Variants in CBFA2T2 observed in about 807,000 individuals in gnomAD.
CBFA2T2 encodes protein CBFA2T2.
A neutral mutation model predicts 62.2 loss-of-function variants in CBFA2T2; 11 were observed. The observed-to-expected ratio is 0.18, with a 90% CI of 0.11 to 0.29. The LOEUF (loss-of-function observed/expected upper bound fraction) is 0.29. Ranked by LOEUF, CBFA2T2 falls within the 10% of genes least tolerant of loss-of-function variation. CBFA2T2 has a pLI of 1.00. For synonymous variants in CBFA2T2, 295 were observed against 287.5 expected (o/e 1.03, Z -0.27); for missense variants, 592 against 774.1 (o/e 0.76, Z 2.79).
At chr20:33,605,707 A>C (rs1415389835) in intron 1 of CBFA2T2, among the ~76,000 whole-genome samples, 1 of 152,202 alleles carries the variant, frequency 6.6e-6, no homozygotes, top group Non-Finnish European at 1.5e-5. Context: ...CTTTTTGAAC[A>C]ATGTATAGCA....
intron 6 of CBFA2T2, 82 bp from the exon 7 acceptor site, chr20:33,628,268 A>C: frequency 1.1e-6 from 1 of 892,610 alleles, no homozygotes; most frequent in Non-Finnish European, 1.9e-6. Context: ...GTTATTATGA[A>C]TATGTGTGTA....
chr20:33,548,059 C>G (rs922379931), intron 1 of CBFA2T2, among the ~76,000 whole-genome samples: 1 of 151,856 alleles, frequency 6.6e-6, no homozygotes, highest in African/African-American at 2.4e-5. Context: ...GCATGAGCCA[C>G]TGGACGATAC....
chr20:33,641,017 G>A (rs2122392035), intron 10 of CBFA2T2, among the ~76,000 whole-genome samples: 2 of 152,034 alleles, frequency 1.3e-5, no homozygotes, highest in South Asian at 2.1e-4. Context: ...GTAAGAAAGT[G>A]CAGGGTCCTA....
intron 1 of CBFA2T2, among the ~76,000 whole-genome samples, chr20:33,564,616 T>C (rs966687679): frequency 2.3e-4 from 35 of 152,198 alleles, no homozygotes; most frequent in Non-Finnish European, 4.9e-4. Context: ...TCAAACTCTG[T>C]TGATCAGGCT....
At chr20:33,582,119 T>C (rs562111218) in intron 1 of CBFA2T2, among the ~76,000 whole-genome samples, 81 of 152,270 alleles carry the variant, frequency 5.3e-4, no homozygotes, top group African/African-American at 1.4e-3. Context: ...TCCTTGAAGG[T>C]TGGAATATCA....
intron 1 of CBFA2T2, among the ~76,000 whole-genome samples, chr20:33,546,582 C>T (rs2076057532): frequency 1.3e-5 from 2 of 151,964 alleles, no homozygotes; most frequent in East Asian, 1.9e-4. Context: ...ATATGTTCCA[C>T]AGGCACCTGC....
intron 3 of CBFA2T2, chr20:33,618,341 T>G (rs1262493848): frequency 6.6e-6 from 1 of 152,202 alleles, no homozygotes; most frequent in South Asian, 2.1e-4. Context: ...CCATATTTCA[T>G]TTTGTTCGTT....
chr20:33,622,359 T>A (rs2016026074), intron 4 of CBFA2T2, among the ~76,000 whole-genome samples: 1 of 152,252 alleles, frequency 6.6e-6, no homozygotes, highest in Non-Finnish European at 1.5e-5. Context: ...CCCTTGGGAT[T>A]AAGCCTTTGC....
chr20:33,580,088 A>G (rs1002612176), intron 1 of CBFA2T2, among the ~76,000 whole-genome samples: 5 of 151,980 alleles, frequency 3.3e-5, no homozygotes, highest in African/African-American at 1.2e-4. Context: ...AAGTGCTAGG[A>G]TTATGGGTGT....
intron 6 of CBFA2T2, among the ~76,000 whole-genome samples, chr20:33,627,347 A>G (rs1272156149): frequency 6.6e-6 from 1 of 152,100 alleles, no homozygotes; most frequent in African/African-American, 2.4e-5. Flanking sequence ...CAGTGAGCCA[A>G]GATCACACCG....
chr20:33,647,222 C>T lies in CBFA2T2; in HGVS notation c.*2576C>T, dbSNP rs1364921301. On this transcript the variant is annotated 3_prime_UTR_variant, in exon 11 of 11. Transcript: ENST00000342704. ...ACAGGTCACAGAGCCATTACAACAG[C>T]TTACTAGTTTTTCATGGATTTGTTG... is the stretch of plus-strand genomic sequence containing the variant. The T allele has an allele frequency of 6.6e-6, 1 of 152,220 alleles. No homozygotes were observed. The highest frequency in any genetic ancestry group is 6.5e-5 in the Admixed American group (1 of 15,282). The allele number at this position is 152,220 out of a possible 1,614,324, so 9.4% of individuals were successfully genotyped here.
At chr20:33,530,508 C>T (rs925182070) in intron 1 of CBFA2T2, among the ~76,000 whole-genome samples, 1 of 152,128 alleles carries the variant, frequency 6.6e-6, no homozygotes, top group African/African-American at 2.4e-5. Flanking sequence ...ACCTCTGCCT[C>T]CCGGGTTCAT....
chr20:33,514,919 C>T (rs989610353), intron 1 of CBFA2T2, among the ~76,000 whole-genome samples: 22 of 151,762 alleles, frequency 1.4e-4, no homozygotes, highest in African/African-American at 5.3e-4. Flanking sequence ...TTCTTGAACT[C>T]CTAACCTTGT....
chr20:33,518,991 T>A (rs1032564058), intron 1 of CBFA2T2, among the ~76,000 whole-genome samples: 1 of 151,920 alleles, frequency 6.6e-6, no homozygotes, highest in African/African-American at 2.4e-5. Flanking sequence ...CCAGCTAAGT[T>A]TTGTAGTTTT....
At chr20:33,607,220 G>T in intron 2 of CBFA2T2, 121 bp downstream of exon 2, 1 of 805,780 alleles carries the variant, frequency 1.2e-6, no homozygotes, top group Non-Finnish European at 1.8e-6. Context: ...TGAAAATATA[G>T]ACACAGATAT....
At position 33,623,136 on chromosome 20, in the gene CBFA2T2, C is replaced by G. The variant is rs765237844; in HGVS notation, c.532C>G (p.Arg178Gly). Residue 178 changes from arginine to glycine, a missense_variant, in exon 5 of 11, where the codon CGG becomes GGG. Arg to Gly is a moderately radical substitution (Grantham distance 125, BLOSUM62 -2). Coordinates refer to ENST00000342704, the MANE Select transcript of CBFA2T2 (RefSeq NM_001032999.3). ...CAAGGCCAACCTGCCCCTGCTGCAGCGGGAACTGCTGCACTGCGCTCGGGC... is the reference window on the plus strand; with the variant it reads ...CAAGGCCAACCTGCCCCTGCTGCAGGGGGAACTGCTGCACTGCGCTCGGGC... ...FLKANLPLLQRELLHCARAAK... is the reference protein window; with the variant it reads ...FLKANLPLLQGELLHCARAAK... 1 of 1,614,242 alleles carries G rather than the reference C, an allele frequency of 6.2e-7. No individual in the cohort carries two copies. Among genetic ancestry groups the G allele is most frequent in the East Asian group, 2.2e-5 (1 of 44,884 alleles).
rs997007788 is a variant in CBFA2T2, at chr20:33,587,252, T to A, written c.35-19704T>A. On this transcript the variant is annotated intron_variant, in intron 1 of 10. Transcript: ENST00000342704. ...AGCCACGGCACCCAGGTTTGTTTTT[T>A]ATTTTTTTGTTTTGTTTTGTTTTGT... is the stretch of plus-strand genomic sequence containing the variant. Among the ~76,000 whole-genome samples the A allele has an allele frequency of 2.7e-5, 4 of 147,432 alleles. No homozygotes were observed. The East Asian group carries it at 8.8e-4, about 33-fold the overall frequency.
intron 1 of CBFA2T2, among the ~76,000 whole-genome samples, chr20:33,540,182 A>T (rs1263653920): frequency 1.3e-5 from 2 of 152,234 alleles, no homozygotes; most frequent in African/African-American, 4.8e-5. Flanking sequence ...AATGTTTTTT[A>T]AAAATCACAT....
At chr20:33,563,354 A>G (rs983893500) in intron 1 of CBFA2T2, among the ~76,000 whole-genome samples, 4 of 152,040 alleles carry the variant, frequency 2.6e-5, no homozygotes, top group African/African-American at 9.7e-5. Flanking sequence ...TGTGATGCCT[A>G]TTTTAGATTT....
Sources: gnomAD v4.1 joint callset for allele counts (sites outside exome capture counted in the v4.1 genomes callset) on GRCh38, gnomAD v4.1.1 for gene constraint, MANE v1.5 for transcripts, NCBI Gene and HGNC (gene_info 2026-07-23, HGNC 2026-07-21) for gene names.